UGT1A10: variants seen among roughly 807,000 people sequenced by gnomAD.
The protein encoded by UGT1A10 is UDP-glucuronosyltransferase 1A10.
A neutral mutation model predicts 45.8 loss-of-function variants in UGT1A10; 49 were observed. The ratio of observed to expected loss-of-function variants is 1.07; its 90% CI spans 0.85 to 1.36. The LOEUF (loss-of-function observed/expected upper bound fraction) is 1.36, where lower values mean the gene tolerates loss of function less well. Ranked by LOEUF, UGT1A10 falls within the 40% of genes most tolerant of loss-of-function variation. The pLI is 0.00. For synonymous variants in UGT1A10, 284 were observed against 249.7 expected (o/e 1.14, Z -1.29); for missense variants, 745 against 668.6 (o/e 1.11, Z -1.26).
intron 1 of UGT1A10, among the ~76,000 whole-genome samples, chr2:233,694,601 C>A (rs187602409): frequency 6.6e-6 from 1 of 152,322 alleles, no homozygotes; most frequent in Admixed American, 6.5e-5. Flanking sequence ...TGAAGGGCTT[C>A]AGGCAACTCC....
At chr2:233,675,282 T>C (rs2074316608) in intron 1 of UGT1A10, among the ~76,000 whole-genome samples, 1 of 152,212 alleles carries the variant, frequency 6.6e-6, no homozygotes, top group Admixed American at 6.5e-5. Flanking sequence ...GTGGTCATTC[T>C]TTTACATTCC....
intron 1 of UGT1A10, among the ~76,000 whole-genome samples, chr2:233,677,810 A>C (rs988089619): frequency 3.9e-5 from 6 of 152,244 alleles, no homozygotes. Flanking sequence ...CATTCGACCC[A>C]GCAATCCCAT....
At chr2:233,691,910 T>C (rs1422473663) in intron 1 of UGT1A10, 1 of 152,836 alleles carries the variant, frequency 6.5e-6, no homozygotes, top group East Asian at 1.9e-4. Context: ...CCTGAAACCA[T>C]AAGTGGTGGG....
chr2:233,636,686 T>C lies in UGT1A10; in HGVS notation c.164T>C (p.Val55Ala). 6.2e-7 allele frequency: 1 copy of C among 1,614,146 alleles called. No homozygotes were observed. Among genetic ancestry groups the C allele is most frequent in the Admixed American group, 1.7e-5 (1 of 60,022 alleles). ...VEKLILRGHE[V>A]VVVMPEVSWQ... ...AAACTTATCCTCAGGGGGCATGAGG[T>C]GGTTGTAGTCATGCCAGAGGTGAGT... is the stretch of plus-strand genomic sequence containing the variant. The change falls in exon 1 of 5, where the codon GTG becomes GCG. Residue 55 changes from valine to alanine, a missense_variant. Coordinates refer to ENST00000344644, the MANE Select transcript of UGT1A10 (RefSeq NM_019075.4).
chr2:233,719,132 A>C (rs373602050), intron 1 of UGT1A10: 15 of 1,614,240 alleles, frequency 9.3e-6, no homozygotes, highest in African/African-American at 1.3e-5. Flanking sequence ...TTGAAACAGA[A>C]CATCTTCTGA....
In UGT1A10 at chr2:233,690,489, C is replaced by T. The variant is rs542201347; in HGVS notation, c.855+53112C>T. On this transcript the variant is annotated intron_variant, in intron 1 of 4. Transcript: ENST00000344644. ...CTCCATTTACTTTTTGGGAAATCTG[C>T]TCTTGCCAACAGAGATTTGTTTTAT... The T allele has an allele frequency of 2.1e-4, 272 of 1,289,698 alleles. 1 individual carries two copies. In the Admixed American group the frequency reaches 5.5e-3, roughly 26 times the overall value. The allele number at this position is 1,289,698 out of a possible 1,614,324, so 79.9% of individuals were successfully genotyped here.
chr2:233,757,539 T>TATATACATATACATATATAC (rs762018928), intron 1 of UGT1A10, among the ~76,000 whole-genome samples: 1 of 115,748 alleles, frequency 8.6e-6, no homozygotes, highest in African/African-American at 3.8e-5. Flanking sequence ...GTAAGGAATA[T>TATATACATATACATATATAC]ATATATATAT....
chr2:233,747,595 G>A lies in UGT1A10; in HGVS notation c.856-19439G>A, dbSNP rs188498977. 1.9e-6 allele frequency: 3 copies of A among 1,576,476 alleles called. 1 individual carries two copies. In the African/African-American group the frequency reaches 4.1e-5, roughly 21 times the overall value. ...TCATCTTTGGTCTTTCATAGGTCTT[G>A]TGTGGAGCTACTGCATAATGAGGCC... On this transcript the variant is annotated intron_variant, in intron 1 of 4. Coordinates refer to ENST00000344644, the MANE Select transcript of UGT1A10 (RefSeq NM_019075.4).
intron 1 of UGT1A10, chr2:233,760,313 G>A (rs761736540): frequency 1.9e-6 from 3 of 1,613,818 alleles, no homozygotes; most frequent in Non-Finnish European, 2.5e-6. Flanking sequence ...CAGGGCGGAC[G>A]CCCACTTGTC....
In UGT1A10 at chr2:233,772,456, T is replaced by A; in HGVS notation, c.1490T>A (p.Leu497Gln). The A allele has an allele frequency of 6.2e-7, 1 of 1,614,218 alleles. No homozygotes were observed. The highest frequency in any genetic ancestry group is 8.5e-7 in the Non-Finnish European group (1 of 1,180,044). Residue 497 changes from leucine to glutamine, a missense_variant, in exon 5 of 5, where the codon CTG (leucine) becomes CAG (glutamine). Leu to Gln is a moderately radical substitution (Grantham distance 113). Coordinates refer to ENST00000344644, the MANE Select transcript of UGT1A10 (RefSeq NM_019075.4). ...ATTGGTTTCCTCTTGGCCGTCGTGC[T>A]GACAGTGGCCTTCATCACCTTTAAA... is the stretch of plus-strand genomic sequence containing the variant. ...DVIGFLLAVV[L>Q]TVAFITFKCC...
At chr2:233,758,253 TAGTA>T (rs1415898131) in intron 1 of UGT1A10, among the ~76,000 whole-genome samples, 2 of 152,180 alleles carry the variant, frequency 1.3e-5, no homozygotes, top group African/African-American at 2.4e-5. Context: ...CTATTCAGAT[TAGTA>T]AGTATTTCTT....
chr2:233,678,876 A>G (rs2074431047), intron 1 of UGT1A10, among the ~76,000 whole-genome samples: 1 of 152,158 alleles, frequency 6.6e-6, no homozygotes, highest in Non-Finnish European at 1.5e-5. Flanking sequence ...TCCCTTCATG[A>G]CTTCCTTGAT....
At chr2:233,750,510 T>C (rs565350753) in intron 1 of UGT1A10, 3 of 152,104 alleles carry the variant, frequency 2.0e-5, no homozygotes, top group South Asian at 4.1e-4. Flanking sequence ...AAATGTTAAT[T>C]GCCAAGACAA....
chr2:233,751,343 TTTTGA>T lies in UGT1A10; in HGVS notation c.856-15687_856-15683del, dbSNP rs1694706279. Among the ~76,000 whole-genome samples the T allele has an allele frequency of 2.0e-5, 3 of 150,848 alleles. No homozygotes were observed. In the South Asian group the frequency reaches 6.2e-4, roughly 31 times the overall value. ...ACCCCCATTGTGTCTTGGAAGTTAC[TTTTGA>T]TTTTACAGGCTCATGGGGGAAGGGA... On this transcript the variant is annotated intron_variant, in intron 1 of 4. Coordinates refer to ENST00000344644, the MANE Select transcript of UGT1A10 (RefSeq NM_019075.4).
chr2:233,769,511 C>T lies in UGT1A10; in HGVS notation c.1295+1072C>T. On this transcript the variant is annotated intron_variant, in intron 4 of 4. Coordinates refer to ENST00000344644, the MANE Select transcript of UGT1A10 (RefSeq NM_019075.4). This position sits in a 1 kb window ranked among gnomAD's most constrained non-coding sequence, Gnocchi z 4.4. ...TTTATGAGAGTGTCCATTGCTTTCT[C>T]CCATGGTTACCTCCTTTAGAAAGAA... 6.2e-7 allele frequency: 1 copy of T among 1,612,794 alleles called. No individual in the cohort carries two copies. The highest frequency in any genetic ancestry group is 8.5e-7 in the Non-Finnish European group (1 of 1,179,854).
At position 233,767,103 on chromosome 2, in the gene UGT1A10, T is replaced by G; in HGVS notation, c.925T>G (p.Ser309Ala). Reference sequence around the variant, plus strand: ...GGTTTTCTCTTTGGGATCAATGGTCTCAGAAATTCCAGAGAAGAAAGCTAT... The same window carrying G: ...GGTTTTCTCTTTGGGATCAATGGTCGCAGAAATTCCAGAGAAGAAAGCTAT... Reference protein sequence around the residue: ...IVVFSLGSMVSEIPEKKAMAI... With the variant: ...IVVFSLGSMVAEIPEKKAMAI... Residue 309 changes from serine to alanine, a missense_variant, in exon 2 of 5, where the codon TCA becomes GCA. Ser to Ala is a moderately conservative substitution (Grantham distance 99). Coordinates refer to ENST00000344644, the MANE Select transcript of UGT1A10 (RefSeq NM_019075.4). 6.2e-7 allele frequency: 1 copy of G among 1,614,148 alleles called. No individual in the cohort carries two copies. Among genetic ancestry groups the G allele is most frequent in the South Asian group, 1.1e-5 (1 of 91,074 alleles).
intron 1 of UGT1A10, chr2:233,682,901 T>G: frequency 1.3e-6 from 2 of 1,504,332 alleles, no homozygotes; most frequent in Non-Finnish European, 8.8e-7. Context: ...TGGAATTTCT[T>G]TCTGGTTTAA....
chr2:233,703,550 C>T (rs2075742983), intron 1 of UGT1A10, among the ~76,000 whole-genome samples: 1 of 151,874 alleles, frequency 6.6e-6, no homozygotes, highest in Admixed American at 6.6e-5. Flanking sequence ...CACTTTATTG[C>T]TAGTAATATT....
At position 233,758,069 on chromosome 2, in the gene UGT1A10, G is replaced by A. The variant is rs148016926; in HGVS notation, c.856-8965G>A. Among the ~76,000 whole-genome samples, 50 of 152,242 alleles carry A rather than the reference G, an allele frequency of 3.3e-4. No individual in the cohort carries two copies. In the East Asian group the frequency reaches 8.9e-3, roughly 27 times the overall value. ...AGGACCATTTCTAACTTGACTTTCT[G>A]GGCCTAGTTCCTAGCATAGTGACTG... On this transcript the variant is annotated intron_variant, in intron 1 of 4. Transcript: ENST00000344644.
Sources: allele counts gnomAD v4.1 joint callset (sites outside exome capture counted in the v4.1 genomes callset), GRCh38; gene constraint gnomAD v4.1.1; non-coding constraint Gnocchi (gnomAD v3.1); transcripts MANE v1.5; gene names NCBI Gene and HGNC (gene_info 2026-07-23, HGNC 2026-07-21).